The following PROSER2 variants were observed in gnomAD, a reference collection of about 807,000 sequenced individuals.
The protein encoded by PROSER2 is proline and serine-rich protein 2.
PROSER2 carries 18 observed loss-of-function variants against 14.6 expected under a neutral mutation model. The ratio of observed to expected loss-of-function variants is 1.23; its 90% CI spans 0.85 to 1.83. The LOEUF (loss-of-function observed/expected upper bound fraction) is 1.83, where lower values mean the gene tolerates loss of function less well. Among genes scored for constraint, PROSER2 ranks in the 40% most tolerant of loss-of-function variants. The pLI, the probability that PROSER2 is intolerant of heterozygous loss-of-function variation, is 0.00. For missense variants in PROSER2, 823 were observed against 629.8 expected (o/e 1.31, Z -3.28); for synonymous variants, 367 against 286.4 (o/e 1.28, Z -2.84).
intron 1 of PROSER2, chr10:11,851,579 T>C (rs1480476048): frequency 6.6e-6 from 1 of 152,150 alleles, no homozygotes; most frequent in Non-Finnish European, 1.5e-5. Flanking sequence ...TACCACATTA[T>C]TCTGTCATAT....
chr10:11,845,631 A>G (rs1833912736), intron 1 of PROSER2, among the ~76,000 whole-genome samples: 1 of 152,180 alleles, frequency 6.6e-6, no homozygotes, highest in Non-Finnish European at 1.5e-5. Context: ...GGTAGCTGTT[A>G]GCACCCCTAG....
chr10:11,829,535 T>C (rs1322203923), intron 1 of PROSER2, among the ~76,000 whole-genome samples: 2 of 151,990 alleles, frequency 1.3e-5, no homozygotes, highest in African/African-American at 2.4e-5. Flanking sequence ...TGAGCTGTGA[T>C]TGTGCCACTG....
At chr10:11,831,410 G>T (rs557038666) in intron 1 of PROSER2, among the ~76,000 whole-genome samples, 2 of 152,264 alleles carry the variant, frequency 1.3e-5, no homozygotes, top group East Asian at 3.8e-4. Context: ...ACTTCAACTG[G>T]AATTTTCTTC....
In PROSER2 at chr10:11,862,772, C is replaced by T. The variant is rs2131087200; in HGVS notation, c.139-3759C>T. Reference sequence around the variant, plus strand: ...CAAATATTTCAAAATGTGAAAAAATCCAGAACACTTCTTATCCCAAACATT... The same window carrying T: ...CAAATATTTCAAAATGTGAAAAAATTCAGAACACTTCTTATCCCAAACATT... On this transcript the variant is annotated intron_variant, in intron 2 of 3. Coordinates refer to ENST00000277570, the MANE Select transcript of PROSER2 (RefSeq NM_153256.4). This position sits in a 1 kb window ranked among gnomAD's most constrained non-coding sequence, Gnocchi z 4.2. 1 of 152,212 alleles carries T rather than the reference C, an allele frequency of 6.6e-6. No individual in the cohort carries two copies. The highest frequency in any genetic ancestry group is 3.4e-3 in the Middle Eastern group (1 of 294). The allele number at this position is 152,212 out of a possible 1,614,324, so 9.4% of individuals were successfully genotyped here.
Position 11,837,854 on chromosome 10 carries a change from A to G in PROSER2, c.-81-14143A>G, listed in dbSNP as rs1213281381. Among the ~76,000 whole-genome samples the G allele has an allele frequency of 6.6e-6, 1 of 151,958 alleles. No homozygotes were observed. Among genetic ancestry groups the G allele is most frequent in the East Asian group, 1.9e-4 (1 of 5,174 alleles). On this transcript the variant is annotated intron_variant, in intron 1 of 3. Transcript: ENST00000277570. The surrounding 1 kb of genome is among the most constrained non-coding windows in gnomAD (Gnocchi z 4.6). ...GTTAACCGTTCCCTGGTTAGTTTTG[A>G]GCTGAACTGTGATGCTAGAAAAGGT...
intron 2 of PROSER2, among the ~76,000 whole-genome samples, chr10:11,858,222 G>A (rs61846313): frequency 0.097 from 14,731 of 152,146 alleles, 877 homozygotes; most frequent in Non-Finnish European, 0.13. Context: ...GAGCCACCAC[G>A]CCTGGCCAAT....
rs1220031568 is a variant in PROSER2 at position 11,869,723 on chromosome 10, G to T, written c.625G>T (p.Glu209Ter). ...QKISERMAGNEALSPTSPFRE... is the reference protein window; with the variant it reads ...QKISERMAGN ...GATTTCCGAGAGGATGGCGGGGAAC[G>T]AAGCCCTCTCGCCCACCTCCCCGTT... The change falls in exon 4 of 4, where the codon GAA (glutamate) becomes TAA (stop). Residue 209 changes from glutamate (E) to a stop codon, truncating the protein, a stop_gained. Coordinates refer to ENST00000277570, the MANE Select transcript of PROSER2 (RefSeq NM_153256.4). LOFTEE classifies it low-confidence loss of function (END_TRUNC). The surrounding 1 kb of genome is among the most constrained non-coding windows in gnomAD (Gnocchi z 4.4). The T allele has an allele frequency of 2.5e-6, 4 of 1,592,446 alleles. No individual in the cohort carries two copies. Among genetic ancestry groups the T allele is most frequent in the Non-Finnish European group, 3.4e-6 (4 of 1,170,560 alleles).
Position 11,869,449 on chromosome 10 carries a change from A to C in PROSER2, c.392-41A>C, listed in dbSNP as rs927512049. 1 of 1,472,162 alleles carries C rather than the reference A, an allele frequency of 6.8e-7. No homozygotes were observed. Among genetic ancestry groups the C allele is most frequent in the East Asian group, 2.3e-5 (1 of 44,144 alleles). The allele number at this position is 1,472,162 out of a possible 1,614,324, so 91.2% of individuals were successfully genotyped here. A position where few individuals can be genotyped will look rare whatever the true frequency, so the allele number is the denominator to read the frequency against. ...GAGGGAACTTCATGCATTTACTTTC[A>C]CGTGGGCCGGTGGCTCACAGGCTCC... On this transcript the variant is annotated intron_variant, in intron 3 of 3. Coordinates refer to ENST00000277570, the MANE Select transcript of PROSER2 (RefSeq NM_153256.4). This position sits in a 1 kb window ranked among gnomAD's most constrained non-coding sequence, Gnocchi z 4.4.
At position 11,872,094 on chromosome 10, in the gene PROSER2, T is replaced by C. The variant is rs1834500016; in HGVS notation, c.*1688T>C. 6.6e-6 allele frequency: 1 copy of C among 152,212 alleles called. No homozygotes were observed. The highest frequency in any genetic ancestry group is 2.4e-5 in the African/African-American group (1 of 41,466). The allele number at this position is 152,212 out of a possible 1,614,324, so 9.4% of individuals were successfully genotyped here. A position where few individuals can be genotyped will look rare whatever the true frequency, so the allele number is the denominator to read the frequency against. ...TTGCTCTTTACAAGGCAAGATGCCATACAGTGTTCAATAATAGAAGGTCTT... is the reference window on the plus strand; with the variant it reads ...TTGCTCTTTACAAGGCAAGATGCCACACAGTGTTCAATAATAGAAGGTCTT... On this transcript the variant is annotated 3_prime_UTR_variant, in exon 4 of 4. Transcript: ENST00000277570.
chr10:11,852,340 A>G, intron 2 of PROSER2, 125 bp downstream of exon 2: 6 of 1,060,196 alleles, frequency 5.7e-6, no homozygotes, highest in Non-Finnish European at 5.3e-6. Flanking sequence ...GTTCTGGAAT[A>G]CTTCTTTGTG....
chr10:11,848,870 G>A (rs1367357917), intron 1 of PROSER2, among the ~76,000 whole-genome samples: 1 of 152,164 alleles, frequency 6.6e-6, no homozygotes, highest in Non-Finnish European at 1.5e-5. Flanking sequence ...ATGGGAGTGG[G>A]TGATGTTGAA....
chr10:11,861,312 G>A (rs1834233025), intron 2 of PROSER2, among the ~76,000 whole-genome samples: 3 of 152,144 alleles, frequency 2.0e-5, no homozygotes, highest in Non-Finnish European at 4.4e-5. Context: ...TGGTAACCAT[G>A]CACGCCGTGT....
At chr10:11,827,041 C>T (rs1209669343) in intron 1 of PROSER2, among the ~76,000 whole-genome samples, 3 of 151,946 alleles carry the variant, frequency 2.0e-5, no homozygotes, top group Non-Finnish European at 2.9e-5. Context: ...CGTGCCACCA[C>T]GTCCAGCTGT....
intron 1 of PROSER2, among the ~76,000 whole-genome samples, chr10:11,840,316 C>G (rs1833819055): frequency 6.6e-6 from 1 of 151,284 alleles, no homozygotes; most frequent in Non-Finnish European, 1.5e-5. Context: ...AAAATTCCTC[C>G]TAATTTGTGA....
In PROSER2 at chr10:11,866,612, G is replaced by A. The variant is rs764007580; in HGVS notation, c.220G>A (p.Glu74Lys). The A allele has an allele frequency of 6.6e-5, 106 of 1,614,084 alleles. 1 individual carries two copies. The Middle Eastern group carries it at 9.9e-4, about 15-fold the overall frequency. The part of the protein sequence containing the change: ...FFEETIDSLD[E>K]DFEEPVLCDG... Reference sequence around the variant, plus strand: ...TGAAGAGACGATTGACTCCCTAGACGAGGACTTTGAGGAGCCAGTGCTGTG... The same window carrying A: ...TGAAGAGACGATTGACTCCCTAGACAAGGACTTTGAGGAGCCAGTGCTGTG... The change falls in exon 3 of 4, where the codon GAG becomes AAG. Residue 74 changes from glutamate (E) to lysine (K), a missense_variant. By Grantham distance (56) the Glu-to-Lys change is moderately conservative. Transcript: ENST00000277570. The surrounding 1 kb of genome is among the most constrained non-coding windows in gnomAD (Gnocchi z 6.0).
rs770396014 is a variant in PROSER2, at chr10:11,865,435, A to G, written c.139-1096A>G. Among the ~76,000 whole-genome samples the G allele has an allele frequency of 3.3e-5, 5 of 151,728 alleles. No homozygotes were observed. Among genetic ancestry groups the G allele is most frequent in the Non-Finnish European group, 5.9e-5 (4 of 67,940 alleles). Reference sequence around the variant, plus strand: ...TTCATTTCCTGTAAGTTGCTTTTCTATCCTTTGATTTTGATAGCTGTTTCA... The same window carrying G: ...TTCATTTCCTGTAAGTTGCTTTTCTGTCCTTTGATTTTGATAGCTGTTTCA... On this transcript the variant is annotated intron_variant, in intron 2 of 3. Coordinates refer to ENST00000277570, the MANE Select transcript of PROSER2 (RefSeq NM_153256.4). This position sits in a 1 kb window ranked among gnomAD's most constrained non-coding sequence, Gnocchi z 4.2.
chr10:11,833,426 C>G (rs183351180), intron 1 of PROSER2, among the ~76,000 whole-genome samples: 1 of 151,478 alleles, frequency 6.6e-6, no homozygotes, highest in Non-Finnish European at 1.5e-5. Flanking sequence ...TGTGGTGGCT[C>G]ACACCGGTAA....
At chr10:11,827,165 C>T (rs1434204391) in intron 1 of PROSER2, among the ~76,000 whole-genome samples, 1 of 149,256 alleles carries the variant, frequency 6.7e-6, no homozygotes, top group Admixed American at 6.7e-5. Context: ...GGATTACAGG[C>T]ATGAGCCACC....
At chr10:11,860,665 G>A (rs549441551) in intron 2 of PROSER2, among the ~76,000 whole-genome samples, 77 of 152,144 alleles carry the variant, frequency 5.1e-4, no homozygotes, top group African/African-American at 1.8e-3. Flanking sequence ...ATAATAAGAA[G>A]AGGAAGAAAG....
Sources: gnomAD v4.1 joint callset for allele counts (sites outside exome capture counted in the v4.1 genomes callset) on GRCh38, gnomAD v4.1.1 for gene constraint, Gnocchi (gnomAD v3.1) non-coding constraint, MANE v1.5 for transcripts, NCBI Gene and HGNC (gene_info 2026-07-23, HGNC 2026-07-21) for gene names.